RANBP2: variants seen among roughly 807,000 people sequenced by gnomAD.
RANBP2 encodes the protein E3 SUMO-protein ligase RanBP2.
A neutral mutation model predicts 303.6 loss-of-function variants in RANBP2; 57 were observed. The observed-to-expected ratio is 0.19, with a 90% CI of 0.15 to 0.23. RANBP2 has a LOEUF of 0.23. Among genes scored for constraint, RANBP2 ranks in the 10% least tolerant of loss-of-function variants. RANBP2 has a pLI of 1.00. For missense variants in RANBP2, 3,138 were observed against 3,780.8 expected (o/e 0.83, Z 4.46); for synonymous variants, 1,167 against 1,301.5 (o/e 0.90, Z 2.23).
chr2:109,162,659 C>T, the RANBP2 span, among the ~76,000 whole-genome samples: 1 of 152,148 alleles, frequency 6.6e-6, no homozygotes, highest in Non-Finnish European at 1.5e-5. Flanking sequence ...CAAGTCTTTG[C>T]TGTTGTGAAT....
the RANBP2 span, among the ~76,000 whole-genome samples, chr2:109,167,019 A>C: frequency 6.6e-6 from 1 of 152,200 alleles, no homozygotes; most frequent in East Asian, 1.9e-4. Context: ...CTAAAAGAAC[A>C]ATACACACCA....
the RANBP2 span, among the ~76,000 whole-genome samples, chr2:109,143,762 CA>C: frequency 8.5e-6 from 1 of 117,988 alleles, no homozygotes; most frequent in African/African-American, 2.6e-5. Context: ...TGAAACAAAA[CA>C]AAACAAACAA....
chr2:109,127,016 T>A, the RANBP2 span, among the ~76,000 whole-genome samples: 1 of 152,212 alleles, frequency 6.6e-6, no homozygotes, highest in Non-Finnish European at 1.5e-5. Flanking sequence ...CATGTGAACA[T>A]GTTTCCATGC....
At chr2:108,800,638 T>TTTTTTTTTTA in the RANBP2 span, among the ~76,000 whole-genome samples, 5 of 73,732 alleles carry the variant, frequency 6.8e-5, no homozygotes, top group African/African-American at 2.3e-4. Context: ...TTTTTTTTTT[T>TTTTTTTTTTA]AATTATACTT....
At chr2:108,967,139 T>G in the RANBP2 span, among the ~76,000 whole-genome samples, 1 of 152,174 alleles carries the variant, frequency 6.6e-6, no homozygotes, top group African/African-American at 2.4e-5. Flanking sequence ...TTTGTCATGT[T>G]GGTTAGGCTG....
the RANBP2 span, among the ~76,000 whole-genome samples, chr2:108,932,471 G>A: frequency 6.8e-6 from 1 of 147,430 alleles, no homozygotes; most frequent in Non-Finnish European, 1.5e-5. Context: ...GGAGCTTGCA[G>A]TGAGCCGAGA....
chr2:108,841,754 G>A, the RANBP2 span, among the ~76,000 whole-genome samples: 6 of 151,738 alleles, frequency 4.0e-5, no homozygotes, highest in Non-Finnish European at 7.4e-5. Context: ...ATATGTTAGG[G>A]CTTAAGCTGT....
the RANBP2 span, among the ~76,000 whole-genome samples, chr2:108,811,955 C>T: frequency 6.6e-6 from 1 of 152,064 alleles, no homozygotes; most frequent in Non-Finnish European, 1.5e-5. Flanking sequence ...TGATTTCATT[C>T]TTTACTATGG....
chr2:109,150,796 A>T, the RANBP2 span, among the ~76,000 whole-genome samples: 3 of 152,190 alleles, frequency 2.0e-5, no homozygotes, highest in Non-Finnish European at 4.4e-5. Flanking sequence ...TTACCTCCTT[A>T]TCAGGCTGTT....
At chr2:109,059,584 A>T in the RANBP2 span, among the ~76,000 whole-genome samples, 3 of 151,824 alleles carry the variant, frequency 2.0e-5, no homozygotes, top group African/African-American at 7.3e-5. Flanking sequence ...TCAAAAAAAA[A>T]AAAAGGTCAC....
At chr2:109,137,757 C>A in the RANBP2 span, among the ~76,000 whole-genome samples, 1 of 152,234 alleles carries the variant, frequency 6.6e-6, no homozygotes, top group South Asian at 2.1e-4. Context: ...CCGTCCTGAT[C>A]AGCCGTTGTT....
At chr2:108,811,220 C>T in the RANBP2 span, among the ~76,000 whole-genome samples, 1 of 136,384 alleles carries the variant, frequency 7.3e-6, no homozygotes, top group South Asian at 2.5e-4. Context: ...ACTATTTCTT[C>T]TCTCCCTTTT....
chr2:109,265,830 T>A, the RANBP2 span, among the ~76,000 whole-genome samples: 1 of 152,042 alleles, frequency 6.6e-6, no homozygotes, highest in African/African-American at 2.4e-5. Context: ...TAATGAGAGG[T>A]CCTGGGTGGG....
chr2:109,363,439 C>A, the RANBP2 span, among the ~76,000 whole-genome samples: 2 of 152,120 alleles, frequency 1.3e-5, no homozygotes, highest in African/African-American at 4.8e-5. Flanking sequence ...TGTAAACACA[C>A]ACACATAAGC....
chr2:108,853,913 AG>A, the RANBP2 span, among the ~76,000 whole-genome samples: 2 of 122,840 alleles, frequency 1.6e-5, no homozygotes, highest in African/African-American at 6.6e-5. Flanking sequence ...TATATTATAT[AG>A]TATATATATT....
chr2:109,626,819 G>C, the RANBP2 span, among the ~76,000 whole-genome samples: 1 of 152,184 alleles, frequency 6.6e-6, no homozygotes, highest in South Asian at 2.1e-4. Context: ...TTCTGCCATC[G>C]TCACTCCTGC....
At chr2:108,926,535 C>T in the RANBP2 span, among the ~76,000 whole-genome samples, 1 of 152,230 alleles carries the variant, frequency 6.6e-6, no homozygotes, top group Non-Finnish European at 1.5e-5. Context: ...AGTGCAGAGT[C>T]GCTGTGTCCT....
chr2:109,061,246 C>T, the RANBP2 span, among the ~76,000 whole-genome samples: 1 of 152,192 alleles, frequency 6.6e-6, no homozygotes, highest in East Asian at 1.9e-4. Flanking sequence ...ACACAAACAC[C>T]TATGCACACA....
chr2:109,265,271 G>GGGCA, the RANBP2 span, among the ~76,000 whole-genome samples: 1 of 152,240 alleles, frequency 6.6e-6, no homozygotes, highest in Non-Finnish European at 1.5e-5. Flanking sequence ...GGAGCTCTGA[G>GGGCA]GGCAGCTCGT....
Sources: gnomAD v4.1 joint callset for allele counts (sites outside exome capture counted in the v4.1 genomes callset) on GRCh38, gnomAD v4.1.1 for gene constraint, MANE v1.5 for transcripts, NCBI Gene and HGNC (gene_info 2026-07-23, HGNC 2026-07-21) for gene names.